PHLDB2: variants seen among roughly 807,000 people sequenced by gnomAD.
PHLDB2 encodes the protein pleckstrin homology like domain family B member 2.
Under a neutral mutation model 123.6 loss-of-function variants are expected in PHLDB2, and 71 were observed. That is an observed-to-expected ratio of 0.57 (90% CI 0.47 to 0.70). The LOEUF (loss-of-function observed/expected upper bound fraction) is 0.70, where lower values mean the gene tolerates loss of function less well. Ranked by LOEUF, PHLDB2 falls within the 30% of genes least tolerant of loss-of-function variation. PHLDB2 has a pLI of 0.00. For missense variants in PHLDB2, 1,446 were observed against 1,519.5 expected (o/e 0.95, Z 0.80); for synonymous variants, 547 against 541.6 (o/e 1.01, Z -0.14).
At chr3:111,842,347 C>T (rs191540464) in intron 1 of PHLDB2, among the ~76,000 whole-genome samples, 7 of 152,306 alleles carry the variant, frequency 4.6e-5, no homozygotes, top group Admixed American at 4.6e-4. Context: ...CTCACACAAA[C>T]ATGGCCTTTC....
At chr3:111,827,279 TA>T (rs1559852250) in intron 1 of PHLDB2, among the ~76,000 whole-genome samples, 1 of 152,172 alleles carries the variant, frequency 6.6e-6, no homozygotes, top group Non-Finnish European at 1.5e-5. Flanking sequence ...GTATGGCTTT[TA>T]AGGAGAGCCT....
At chr3:111,765,215 G>A (rs57902958) in intron 1 of PHLDB2, among the ~76,000 whole-genome samples, 28,828 of 152,114 alleles carry the variant, frequency 0.19, 2,879 homozygotes, top group African/African-American at 0.21. Context: ...CTTCACTAAC[G>A]CACTTTCTAA....
At chr3:111,752,219 AGTGT>A (rs57931243) in intron 1 of PHLDB2, among the ~76,000 whole-genome samples, 9 of 146,978 alleles carry the variant, frequency 6.1e-5, no homozygotes, top group South Asian at 4.4e-4. Flanking sequence ...GAAGTTTCTA[AGTGT>A]GTGTGTGTGT....
At chr3:111,872,091 C>T (rs1004250623) in intron 1 of PHLDB2, among the ~76,000 whole-genome samples, 26 of 152,168 alleles carry the variant, frequency 1.7e-4, no homozygotes, top group African/African-American at 6.0e-4. Flanking sequence ...AACATTTCAA[C>T]GTACATTAAC....
intron 2 of PHLDB2, among the ~76,000 whole-genome samples, chr3:111,891,926 T>C (rs944245884): frequency 6.6e-6 from 1 of 152,214 alleles, no homozygotes; most frequent in African/African-American, 2.4e-5. Context: ...TTTGGTTACG[T>C]TGCCAAAAGC....
chr3:111,842,016 T>TA (rs1326667790), intron 1 of PHLDB2, among the ~76,000 whole-genome samples: 1 of 152,234 alleles, frequency 6.6e-6, no homozygotes, highest in Non-Finnish European at 1.5e-5. Context: ...CTATCTTTCT[T>TA]ACTATTGACT....
intron 2 of PHLDB2, among the ~76,000 whole-genome samples, chr3:111,889,579 G>C (rs539947719): frequency 6.6e-6 from 1 of 152,080 alleles, no homozygotes; most frequent in Non-Finnish European, 1.5e-5. Context: ...GTGCACACCT[G>C]TAGTCCCAGC....
intron 2 of PHLDB2, among the ~76,000 whole-genome samples, chr3:111,897,774 T>C (rs1201982966): frequency 6.6e-6 from 1 of 152,226 alleles, no homozygotes; most frequent in East Asian, 1.9e-4. Context: ...TTAAATCATC[T>C]TAGGCAGAGA....
At chr3:111,756,236 C>T (rs1001943989) in intron 1 of PHLDB2, among the ~76,000 whole-genome samples, 1 of 151,538 alleles carries the variant, frequency 6.6e-6, no homozygotes, top group Non-Finnish European at 1.5e-5. Context: ...GTTGATCTGT[C>T]TAATGTTGAC....
chr3:111,780,511 C>A (rs1234591857), intron 1 of PHLDB2, among the ~76,000 whole-genome samples: 1 of 151,586 alleles, frequency 6.6e-6, no homozygotes, highest in African/African-American at 2.4e-5. Context: ...CAGTGCCATG[C>A]TCTTAGACTT....
At chr3:111,819,848 T>C (rs1488673373) in intron 1 of PHLDB2, among the ~76,000 whole-genome samples, 2 of 152,216 alleles carry the variant, frequency 1.3e-5, no homozygotes. Flanking sequence ...AGAGTTTAAT[T>C]GTCAAGATGC....
chr3:111,860,807 A>G (rs1259722779), intron 1 of PHLDB2, among the ~76,000 whole-genome samples: 2 of 152,194 alleles, frequency 1.3e-5, no homozygotes, highest in Admixed American at 1.3e-4. Flanking sequence ...GAGCTCTAGA[A>G]TGCACAACTA....
intron 1 of PHLDB2, among the ~76,000 whole-genome samples, chr3:111,880,343 G>C (rs934863969): frequency 6.6e-6 from 1 of 152,112 alleles, no homozygotes; most frequent in South Asian, 2.1e-4. Flanking sequence ...GATGCCTTTG[G>C]TGTTGGACTC....
chr3:111,846,045 A>G lies in PHLDB2; in HGVS notation c.67+110A>G, dbSNP rs1323503460. The G allele has an allele frequency of 2.7e-6, 3 of 1,126,204 alleles. No individual in the cohort carries two copies. In the East Asian group the frequency reaches 7.8e-5, roughly 29 times the overall value. The allele number at this position is 1,126,204 out of a possible 1,614,324, so 69.8% of individuals were successfully genotyped here. ...CAAGCATATACCCAGGAGTCCAGCA[A>G]TCATTGGGGAAGAGAGCCTGAGGCT... is the stretch of plus-strand genomic sequence containing the variant. On this transcript the variant is annotated intron_variant, in intron 2 of 17. Transcript: ENST00000393923.
chr3:111,881,605 G>T (rs1339101577), intron 1 of PHLDB2, among the ~76,000 whole-genome samples: 2 of 152,080 alleles, frequency 1.3e-5, no homozygotes, highest in African/African-American at 2.4e-5. Flanking sequence ...ATGCAACCAT[G>T]ATATAATATC....
chr3:111,754,099 G>C (rs2059837282), intron 1 of PHLDB2, among the ~76,000 whole-genome samples: 1 of 151,970 alleles, frequency 6.6e-6, no homozygotes. Flanking sequence ...CTCCAGCTTT[G>C]TTCTTTTGGC....
intron 1 of PHLDB2, among the ~76,000 whole-genome samples, chr3:111,881,344 C>T (rs976823830): frequency 3.9e-5 from 6 of 152,276 alleles, no homozygotes; most frequent in South Asian, 2.1e-4. Context: ...AGTCGCACTT[C>T]GTATGGGTCC....
chr3:111,936,404 C>A (rs2069494863), intron 6 of PHLDB2, among the ~76,000 whole-genome samples: 2 of 152,168 alleles, frequency 1.3e-5, no homozygotes, highest in African/African-American at 4.8e-5. Flanking sequence ...TTCCTTCCCC[C>A]AAATTCCATT....
intron 1 of PHLDB2, among the ~76,000 whole-genome samples, chr3:111,879,290 G>A (rs1690042597): frequency 1.3e-5 from 2 of 152,160 alleles, no homozygotes; most frequent in South Asian, 4.1e-4. Flanking sequence ...GAGAGGGTAT[G>A]TGTCCAGGAA....
Sources: gnomAD v4.1 joint callset for allele counts (sites outside exome capture counted in the v4.1 genomes callset) on GRCh38, gnomAD v4.1.1 for gene constraint, MANE v1.5 for transcripts, NCBI Gene and HGNC (gene_info 2026-07-23, HGNC 2026-07-21) for gene names.